Variants in LDAF1 observed in about 807,000 individuals in gnomAD.
LDAF1 encodes PROMETHIN.
LDAF1 carries 7 observed loss-of-function variants against 13.5 expected under a neutral mutation model. The ratio of observed to expected loss-of-function variants is 0.52; its 90% CI spans 0.29 to 0.97. The LOEUF is 0.97. LDAF1 is among the 50% of genes least tolerant of loss of function. The probability of loss-of-function intolerance (pLI) is 0.07; values close to 1 mark genes in which losing one functional copy is unlikely to be tolerated. For missense variants in LDAF1, 148 were observed against 193.2 expected, an observed-to-expected ratio of 0.77 and a Z score of 1.39; for synonymous variants, 69 against 77.1, an observed-to-expected ratio of 0.89 and a Z score of 0.55.
chr16:21,175,578 C>G (rs2093131705), intron 4 of LDAF1, among the ~76,000 whole-genome samples: 1 of 152,178 alleles, frequency 6.6e-6, no homozygotes, highest in East Asian at 1.9e-4. Flanking sequence ...GTTGCCGTAG[C>G]ATGAAGGCAG....
intron 2 of LDAF1, among the ~76,000 whole-genome samples, chr16:21,162,031 C>T (rs1235404216): frequency 6.6e-6 from 1 of 151,980 alleles, no homozygotes; most frequent in African/African-American, 2.4e-5. Flanking sequence ...GTGGTAAGGC[C>T]TGTAGTCCCA....
In LDAF1 at chr16:21,170,496, C is replaced by A. The variant is rs201007468; in HGVS notation, c.156C>A (p.Ala52=). The A allele has an allele frequency of 3.7e-6, 6 of 1,614,146 alleles. No homozygotes were observed. The East Asian group carries it at 1.3e-4, about 36-fold the overall frequency. Residue 52 remains alanine, a synonymous_variant, in exon 3 of 5, where the codon GCC becomes GCA. Transcript: ENST00000233047. ...ACTTGGACAGCCATCCGTTTCTGGC[C>A]TTCACCTTGCTGGTGTTCATTGTCA... The part of the protein sequence containing the change: ...GQYLDSHPFL[A]FTLLVFIVMS...
intron 1 of LDAF1, chr16:21,159,312 AC>A (rs1346445135): frequency 6.2e-7 from 1 of 1,607,348 alleles, no homozygotes; most frequent in Admixed American, 1.7e-5. Context: ...TGGGACGCGG[AC>A]CCCCTCTCCA....
chr16:21,173,972 T>A, intron 3 of LDAF1, 38 bp from the exon 4 acceptor site: 1 of 1,594,920 alleles, frequency 6.3e-7, no homozygotes, highest in Non-Finnish European at 8.5e-7. Context: ...TCAACCTGTT[T>A]GAGATGAACC....
chr16:21,162,402 G>A (rs1455868025), intron 2 of LDAF1, among the ~76,000 whole-genome samples: 1 of 151,632 alleles, frequency 6.6e-6, no homozygotes, highest in Non-Finnish European at 1.5e-5. Context: ...TTCAGATAGC[G>A]TTATGTTTTC....
At chr16:21,169,726 T>C (rs2093067032) in intron 2 of LDAF1, among the ~76,000 whole-genome samples, 1 of 152,148 alleles carries the variant, frequency 6.6e-6, no homozygotes, top group Non-Finnish European at 1.5e-5. Flanking sequence ...GTATGTACCT[T>C]ACATCAATGC....
chr16:21,166,852 A>G (rs1050202719), intron 2 of LDAF1: 3 of 1,535,696 alleles, frequency 2.0e-6, no homozygotes, highest in Non-Finnish European at 2.6e-6. Context: ...GCCCCAACAC[A>G]GCAGGATCTC....
intron 3 of LDAF1, 132 bp downstream of exon 3, chr16:21,170,737 C>T: frequency 9.3e-7 from 1 of 1,072,896 alleles, no homozygotes; most frequent in Non-Finnish European, 1.3e-6. Context: ...AACTCCTGGG[C>T]TCAAGTGATC....
chr16:21,159,488 G>A (rs2092941243), intron 1 of LDAF1: 1 of 1,581,626 alleles, frequency 6.3e-7, no homozygotes, highest in African/African-American at 1.3e-5. Flanking sequence ...AACTTTCGAG[G>A]TAGCCGTTTT....
Position 21,179,176 on chromosome 16 carries a change from G to A in LDAF1, c.405-299G>A, listed in dbSNP as rs77658806. 824 of 208,694 alleles carry A rather than the reference G, an allele frequency of 3.9e-3. 8 individuals carry two copies. Among genetic ancestry groups the A allele is most frequent in the African/African-American group, 0.018 (759 of 42,492 alleles). 12.9% of individuals were successfully genotyped at this position (208,694 alleles called of 1,614,324 possible). Reference sequence around the variant, plus strand: ...TGTCCATTGGTAAAATAGACAAAATGGCTACTCTTAATCTACCATTCTCAC... The same window carrying A: ...TGTCCATTGGTAAAATAGACAAAATAGCTACTCTTAATCTACCATTCTCAC... On this transcript the variant is annotated intron_variant, in intron 4 of 4. Coordinates refer to ENST00000233047, the MANE Select transcript of LDAF1 (RefSeq NM_001301771.2).
intron 4 of LDAF1, chr16:21,178,511 A>T (rs2093158742): frequency 1.4e-5 from 7 of 488,290 alleles, no homozygotes; most frequent in Non-Finnish European, 1.9e-5. Context: ...GAGACAGCCC[A>T]GGGCTGGTGC....
chr16:21,162,119 G>A (rs149226087), intron 2 of LDAF1, among the ~76,000 whole-genome samples: 50 of 151,714 alleles, frequency 3.3e-4, no homozygotes, highest in African/African-American at 1.1e-3. Context: ...TTGTGCCACC[G>A]CACTCCAGCC....
chr16:21,159,177 C>A, intron 1 of LDAF1: 1 of 830,958 alleles, frequency 1.2e-6, no homozygotes, highest in Non-Finnish European at 2.0e-6. Flanking sequence ...TCTTCTCCAC[C>A]GAGGTCCCCT....
intron 2 of LDAF1, among the ~76,000 whole-genome samples, chr16:21,163,122 T>C (rs911472511): frequency 3.3e-5 from 5 of 152,238 alleles, no homozygotes; most frequent in African/African-American, 1.2e-4. Context: ...CATCACAGCC[T>C]TCTCATGGTT....
chr16:21,165,226 C>T (rs1170229286), intron 2 of LDAF1, among the ~76,000 whole-genome samples: 1 of 152,142 alleles, frequency 6.6e-6, no homozygotes, highest in African/African-American at 2.4e-5. Context: ...TTCGGGAGGC[C>T]GAGGCGGGCA....
At chr16:21,172,832 C>G (rs2093102496) in intron 3 of LDAF1, 11 of 985,386 alleles carry the variant, frequency 1.1e-5, no homozygotes, top group Non-Finnish European at 1.3e-5. Context: ...GGCAGCACAC[C>G]TGTTGATGTT....
At chr16:21,164,889 G>A (rs1243699266) in intron 2 of LDAF1, among the ~76,000 whole-genome samples, 1 of 152,194 alleles carries the variant, frequency 6.6e-6, no homozygotes, top group Non-Finnish European at 1.5e-5. Flanking sequence ...ATAGTGTTAG[G>A]TCGTTCTTTT....
At chr16:21,174,713 A>C (rs1179322959) in intron 4 of LDAF1, among the ~76,000 whole-genome samples, 1 of 152,164 alleles carries the variant, frequency 6.6e-6, no homozygotes, top group African/African-American at 2.4e-5. Flanking sequence ...CTCTATCAGT[A>C]TTATTGATTC....
chr16:21,165,921 G>A lies in LDAF1; in HGVS notation c.97-4516G>A, dbSNP rs147482545. On this transcript the variant is annotated intron_variant, in intron 2 of 4. Transcript: ENST00000233047. ...GTCGCCCAGGCTGGAGTACAGTGGC[G>A]TGATCTCGGCTCACTGCAACCTCTG... Among the ~76,000 whole-genome samples the A allele has an allele frequency of 6.5e-3, 986 of 152,128 alleles. 13 individuals are homozygous for A. The highest frequency in any genetic ancestry group is 0.022 in the African/African-American group (916 of 41,476).
Sources: gnomAD v4.1 joint callset for allele counts (sites outside exome capture counted in the v4.1 genomes callset) on GRCh38, gnomAD v4.1.1 for gene constraint, MANE v1.5 for transcripts, NCBI Gene and HGNC (gene_info 2026-07-23, HGNC 2026-07-21) for gene names.